The following CNTNAP2 variants were observed in gnomAD, a reference collection of about 807,000 sequenced individuals.
The protein encoded by CNTNAP2 is contactin-associated protein-like 2.
In CNTNAP2, 98 loss-of-function variants were observed where a neutral mutation model predicts 155.2. That is an observed-to-expected ratio of 0.63 (90% confidence interval 0.54 to 0.75). The LOEUF (loss-of-function observed/expected upper bound fraction) is 0.75. CNTNAP2 is among the 30% of genes least tolerant of loss of function. The pLI is 0.00. For synonymous variants in CNTNAP2, 651 were observed against 631.2 expected, an observed-to-expected ratio of 1.03 and a Z score of -0.47; for missense variants, 1,727 against 1,688.1, an observed-to-expected ratio of 1.02 and a Z score of -0.40.
At chr7:147,170,420 CTTTG>C (rs145029603) in intron 8 of CNTNAP2, among the ~76,000 whole-genome samples, 75 of 152,034 alleles carry the variant, frequency 4.9e-4, no homozygotes, top group African/African-American at 1.5e-3. Context: ...TGTGCCGTGG[CTTTG>C]TTTGTTTGTT....
intron 1 of CNTNAP2, among the ~76,000 whole-genome samples, chr7:146,646,969 G>A (rs1799822369): frequency 6.6e-6 from 1 of 152,148 alleles, no homozygotes; most frequent in Non-Finnish European, 1.5e-5. Flanking sequence ...AGAAACAATG[G>A]GCAATGATTC....
At chr7:146,829,063 TGACA>T (rs1192002911) in intron 2 of CNTNAP2, among the ~76,000 whole-genome samples, 2 of 152,062 alleles carry the variant, frequency 1.3e-5, no homozygotes, top group Non-Finnish European at 1.5e-5. Context: ...GGGTAATATT[TGACA>T]TTTTAAAAAC....
intron 21 of CNTNAP2, among the ~76,000 whole-genome samples, chr7:148,354,870 T>A (rs780601401): frequency 1.3e-4 from 20 of 152,108 alleles, no homozygotes; most frequent in Non-Finnish European, 2.5e-4. Flanking sequence ...CACCCCACCC[T>A]GGGCTCGTGG....
intron 13 of CNTNAP2, among the ~76,000 whole-genome samples, chr7:147,803,424 G>C (rs1798038858): frequency 6.6e-6 from 1 of 152,194 alleles, no homozygotes; most frequent in Admixed American, 6.5e-5. Context: ...GGACCTGCTG[G>C]TGGCACCGCA....
At chr7:147,928,587 G>A (rs1800439331) in intron 14 of CNTNAP2, among the ~76,000 whole-genome samples, 1 of 152,078 alleles carries the variant, frequency 6.6e-6, no homozygotes, top group African/African-American at 2.4e-5. Context: ...ACAATCTATA[G>A]GCTAGAGTCA....
chr7:146,885,614 C>T (rs1464691189), intron 3 of CNTNAP2, among the ~76,000 whole-genome samples: 1 of 152,054 alleles, frequency 6.6e-6, no homozygotes, highest in East Asian at 1.9e-4. Context: ...AGATTTTAAT[C>T]TTACAGAGAA....
intron 1 of CNTNAP2, among the ~76,000 whole-genome samples, chr7:146,266,322 T>C (rs1799993245): frequency 1.3e-5 from 2 of 152,196 alleles, no homozygotes; most frequent in Admixed American, 1.3e-4. Context: ...TTGTTGCTTC[T>C]GGTTTTCTGA....
At chr7:146,945,216 A>G (rs1327300190) in intron 3 of CNTNAP2, among the ~76,000 whole-genome samples, 3 of 152,202 alleles carry the variant, frequency 2.0e-5, no homozygotes, top group Non-Finnish European at 4.4e-5. Context: ...TAACATCTGT[A>G]TCACTGCTTA....
chr7:146,372,765 A>G (rs1285293250), intron 1 of CNTNAP2, among the ~76,000 whole-genome samples: 1 of 152,160 alleles, frequency 6.6e-6, no homozygotes, highest in African/African-American at 2.4e-5. Context: ...TTCAGCTCAA[A>G]TGATCATTTG....
intron 9 of CNTNAP2, among the ~76,000 whole-genome samples, chr7:147,369,629 C>T (rs756962842): frequency 6.6e-6 from 1 of 152,144 alleles, no homozygotes; most frequent in Non-Finnish European, 1.5e-5. Flanking sequence ...CTCACCTCTG[C>T]CATTGTAGCA....
Position 147,458,650 on chromosome 7 carries a change from T to C in CNTNAP2, c.1671-27285T>C, listed in dbSNP as rs78200924. Reference sequence around the variant, plus strand: ...ACCTTTGCAAAGCACTGCCTGATAGTCTCCCTCCTGCTGTGCCCAGTGTCA... The same window carrying C: ...ACCTTTGCAAAGCACTGCCTGATAGCCTCCCTCCTGCTGTGCCCAGTGTCA... On this transcript the variant is annotated intron_variant, in intron 10 of 23. Coordinates refer to ENST00000361727, the MANE Select transcript of CNTNAP2 (RefSeq NM_014141.6). Among the ~76,000 whole-genome samples the C allele has an allele frequency of 3.7e-3, 558 of 152,276 alleles. 3 individuals carry two copies. The highest frequency in any genetic ancestry group is 0.012 in the African/African-American group (519 of 41,572).
chr7:147,323,579 G>T (rs1369834766), intron 9 of CNTNAP2, among the ~76,000 whole-genome samples: 1 of 151,704 alleles, frequency 6.6e-6, no homozygotes, highest in Non-Finnish European at 1.5e-5. Context: ...GAGTTCTGTA[G>T]ATGTCTATTA....
At chr7:146,695,070 A>G (rs993826040) in intron 1 of CNTNAP2, among the ~76,000 whole-genome samples, 13 of 152,258 alleles carry the variant, frequency 8.5e-5, no homozygotes, top group Admixed American at 5.2e-4. Context: ...CAGCCTGTAT[A>G]AATTGATTTC....
chr7:146,766,682 C>A (rs758567258), intron 1 of CNTNAP2, among the ~76,000 whole-genome samples: 2 of 152,098 alleles, frequency 1.3e-5, no homozygotes, highest in African/African-American at 2.4e-5. Context: ...AATGAGATGA[C>A]CCACTCAAAA....
intron 3 of CNTNAP2, among the ~76,000 whole-genome samples, chr7:146,972,258 C>A (rs1797816569): frequency 6.6e-6 from 1 of 152,038 alleles, no homozygotes; most frequent in African/African-American, 2.4e-5. Context: ...AATGTATATT[C>A]TAGTAATGAT....
chr7:146,503,063 T>G (rs1797330192), intron 1 of CNTNAP2, among the ~76,000 whole-genome samples: 2 of 152,238 alleles, frequency 1.3e-5, no homozygotes, highest in South Asian at 4.1e-4. Context: ...TTTATTGAGT[T>G]GAGTTCCTTA....
intron 21 of CNTNAP2, among the ~76,000 whole-genome samples, chr7:148,338,479 C>G (rs950468435): frequency 3.3e-5 from 5 of 151,968 alleles, no homozygotes; most frequent in Admixed American, 1.3e-4. Context: ...TCCCTCCCCC[C>G]ACCCCGACCT....
chr7:146,855,456 A>C (rs1244571018), intron 3 of CNTNAP2, among the ~76,000 whole-genome samples: 1 of 152,184 alleles, frequency 6.6e-6, no homozygotes, highest in East Asian at 1.9e-4. Flanking sequence ...AGATTGGTTG[A>C]ATAAACTAGG....
At chr7:147,584,166 T>C (rs745358311) in intron 12 of CNTNAP2, among the ~76,000 whole-genome samples, 27 of 152,188 alleles carry the variant, frequency 1.8e-4, no homozygotes, top group Non-Finnish European at 2.8e-4. Flanking sequence ...GTTTTCCTTT[T>C]CAAGTATGCA....
Sources: allele counts gnomAD v4.1 joint callset (sites outside exome capture counted in the v4.1 genomes callset), GRCh38; gene constraint gnomAD v4.1.1; transcripts MANE v1.5; gene names NCBI Gene and HGNC (gene_info 2026-07-23, HGNC 2026-07-21).